Variants in GPR149 observed in about 807,000 individuals in gnomAD.
GPR149 encodes the protein probable G protein-coupled receptor 149.
In GPR149, 50 loss-of-function variants were observed where a neutral mutation model predicts 50.2. The observed-to-expected ratio is 1.00, with a 90% CI of 0.79 to 1.26. GPR149 has a LOEUF of 1.26. GPR149 is among the 50% of genes most tolerant of loss of function. GPR149 has a pLI of 0.00. For synonymous variants in GPR149, 405 were observed against 358.2 expected (o/e 1.13, Z -1.48); for missense variants, 983 against 895.4 (o/e 1.10, Z -1.25).
chr3:154,387,168 C>A (rs1715063073), intron 3 of GPR149, among the ~76,000 whole-genome samples: 1 of 152,180 alleles, frequency 6.6e-6, no homozygotes, highest in Admixed American at 6.6e-5. Context: ...TGAGCACACT[C>A]TCTTCCTCCC....
chr3:154,428,052 C>T lies in GPR149; in HGVS notation c.982-344G>A, dbSNP rs532957133. Among the ~76,000 whole-genome samples, 3 of 152,342 alleles carry T rather than the reference C, an allele frequency of 2.0e-5. No homozygotes were observed. The East Asian group carries it at 5.8e-4, about 30-fold the overall frequency. ...TGATTCTCCGAATGGCCTTTGTCGC[C>T]TCCCTGGACCCTCACCTCCGCCCAT... On this transcript the variant is annotated intron_variant, in intron 1 of 3. Coordinates refer to ENST00000389740, the MANE Select transcript of GPR149 (RefSeq NM_001038705.3).
In GPR149 at chr3:154,354,781, C is replaced by A. The variant is rs911895447; in HGVS notation, c.1624-16510G>T. The stretch of plus-strand genomic sequence containing the variant: ...TGTTTTCAGCTCCATAATGTCGCCC[C>A]AAGGAGTTTCCCAGGCATTACTGGC... On this transcript the variant is annotated intron_variant, in intron 3 of 3. Coordinates refer to ENST00000389740, the MANE Select transcript of GPR149 (RefSeq NM_001038705.3). 9 of 697,162 alleles carry A rather than the reference C, an allele frequency of 1.3e-5. No individual in the cohort carries two copies. In the African/African-American group the frequency reaches 1.6e-4, roughly 12 times the overall value. 43.2% of individuals were successfully genotyped at this position (697,162 alleles called of 1,614,324 possible). A position where few individuals can be genotyped will look rare whatever the true frequency, so the allele number is the denominator to read the frequency against.
chr3:154,418,896 T>A (rs1712060934), intron 3 of GPR149, among the ~76,000 whole-genome samples: 1 of 152,100 alleles, frequency 6.6e-6, no homozygotes, highest in East Asian at 1.9e-4. Flanking sequence ...TTTGTATTTG[T>A]GTTTAAGGCT....
chr3:154,419,712 C>T (rs1712084147), intron 3 of GPR149, among the ~76,000 whole-genome samples: 1 of 151,950 alleles, frequency 6.6e-6, no homozygotes, highest in South Asian at 2.1e-4. Context: ...CACACACACA[C>T]ATATATGCGC....
At chr3:154,358,048 C>A (rs1449095083) in intron 3 of GPR149, among the ~76,000 whole-genome samples, 10 of 151,982 alleles carry the variant, frequency 6.6e-5, no homozygotes, top group East Asian at 1.9e-4. Flanking sequence ...GGACAAAAAA[C>A]CAAACACTGC....
chr3:154,380,627 A>AG (rs1261548006), intron 3 of GPR149, among the ~76,000 whole-genome samples: 4 of 151,704 alleles, frequency 2.6e-5, no homozygotes, highest in African/African-American at 9.7e-5. Context: ...TTTCAAGGTC[A>AG]AATTTTGTCC....
chr3:154,338,245 G>A lies in GPR149; in HGVS notation c.1650C>T (p.Pro550=), dbSNP rs200731797. Residue 550 remains proline (P), a synonymous_variant, in exon 4 of 4, where the codon CCC becomes CCT. Transcript: ENST00000389740. ...ACACAGTCCCCTGGAATGCACACAA[G>A]GGAATGGCAAGGGCATAACCGGAAC... ...RQRSGYALAI[P]LCAFQGTVSL... 1.3e-4 allele frequency: 202 copies of A among 1,590,898 alleles called. No homozygotes were observed. Among genetic ancestry groups the A allele is most frequent in the Non-Finnish European group, 1.6e-4 (185 of 1,169,380 alleles).
chr3:154,397,383 T>C (rs1419021847), intron 3 of GPR149, among the ~76,000 whole-genome samples: 1 of 152,158 alleles, frequency 6.6e-6, no homozygotes, highest in African/African-American at 2.4e-5. Context: ...TGTATTTTCT[T>C]AAAGAATGGA....
At chr3:154,352,612 T>G in intron 3 of GPR149, 2 of 777,716 alleles carry the variant, frequency 2.6e-6, no homozygotes, top group South Asian at 2.7e-5. Flanking sequence ...AGACTGTGGT[T>G]CAAAACTTGA....
At chr3:154,354,915 G>A (rs1714181432) in intron 3 of GPR149, 1 of 197,534 alleles carries the variant, frequency 5.1e-6, no homozygotes, top group Non-Finnish European at 1.1e-5. Context: ...TGAAAATGAT[G>A]AATCATTCTG....
intron 3 of GPR149, among the ~76,000 whole-genome samples, chr3:154,415,936 TG>T (rs1481979955): frequency 1.3e-5 from 2 of 151,906 alleles, no homozygotes; most frequent in Non-Finnish European, 2.9e-5. Context: ...TTTGTTAAGA[TG>T]ACTGGGTGGA....
intron 3 of GPR149, among the ~76,000 whole-genome samples, chr3:154,363,865 ACTGACAGCTTTCTTT>A (rs994083989): frequency 1.3e-5 from 2 of 152,086 alleles, no homozygotes; most frequent in African/African-American, 4.8e-5. Context: ...TCCCCCTCCC[ACTGACAGCTTTCTTT>A]CTGTGGCTCA....
intron 3 of GPR149, among the ~76,000 whole-genome samples, chr3:154,396,761 T>C (rs1373771809): frequency 6.6e-6 from 1 of 152,060 alleles, no homozygotes; most frequent in East Asian, 1.9e-4. Flanking sequence ...CCTTTGTCTT[T>C]TTAACACTTT....
intron 3 of GPR149, among the ~76,000 whole-genome samples, chr3:154,348,390 A>T (rs753512625): frequency 2.6e-5 from 4 of 152,200 alleles, no homozygotes; most frequent in Admixed American, 6.5e-5. Context: ...TAATATAAGC[A>T]GGTCGAAAGT....
chr3:154,416,994 C>G (rs1194593638), intron 3 of GPR149, among the ~76,000 whole-genome samples: 1 of 151,752 alleles, frequency 6.6e-6, no homozygotes, highest in Non-Finnish European at 1.5e-5. Context: ...AAAATGGAAT[C>G]CAGGGTAATT....
At chr3:154,366,294 T>C (rs938895118) in intron 3 of GPR149, among the ~76,000 whole-genome samples, 1 of 152,130 alleles carries the variant, frequency 6.6e-6, no homozygotes, top group Admixed American at 6.5e-5. Context: ...CAATAAGATA[T>C]CATATTAGAA....
intron 3 of GPR149, among the ~76,000 whole-genome samples, chr3:154,390,165 G>A (rs1715137190): frequency 6.6e-6 from 1 of 152,110 alleles, no homozygotes; most frequent in South Asian, 2.1e-4. Context: ...AAGACTGGGA[G>A]TGCGGACATA....
intron 3 of GPR149, among the ~76,000 whole-genome samples, chr3:154,384,496 A>G (rs1254482893): frequency 3.2e-4 from 49 of 152,220 alleles, no homozygotes; most frequent in Admixed American, 3.2e-3. Context: ...AAACTCTAAT[A>G]CTCTGGAGAC....
intron 3 of GPR149, among the ~76,000 whole-genome samples, chr3:154,414,066 A>G (rs1157081267): frequency 1.3e-5 from 2 of 152,002 alleles, no homozygotes; most frequent in Non-Finnish European, 2.9e-5. Context: ...AGGAATGAAA[A>G]ATCAAACATC....
Sources: allele counts gnomAD v4.1 joint callset (sites outside exome capture counted in the v4.1 genomes callset), GRCh38; gene constraint gnomAD v4.1.1; transcripts MANE v1.5; gene names NCBI Gene and HGNC (gene_info 2026-07-23, HGNC 2026-07-21).